MARCHF1: variants seen among roughly 807,000 people sequenced by gnomAD.
MARCHF1 encodes membrane associated ring-CH-type finger 1, also known as E3 ubiquitin-protein ligase MARCHF1.
In MARCHF1, 40 loss-of-function variants were observed where a neutral mutation model predicts 54.2. That is an observed-to-expected ratio of 0.74 (90% confidence interval 0.57 to 0.96). MARCHF1 has a LOEUF of 0.96. Ranked by LOEUF, MARCHF1 falls within the 40% of genes least tolerant of loss-of-function variation. The pLI, the probability that MARCHF1 is intolerant of heterozygous loss-of-function variation, is 0.00. For missense variants in MARCHF1, 586 were observed against 656.5 expected, an observed-to-expected ratio of 0.89 and a Z score of 1.17; for synonymous variants, 236 against 236.3, an observed-to-expected ratio of 1.00 and a Z score of 0.01.
chr4:163,843,006 T>C (rs996735581), intron 4 of MARCHF1, among the ~76,000 whole-genome samples: 1 of 152,092 alleles, frequency 6.6e-6, no homozygotes, highest in East Asian at 1.9e-4. Context: ...TCAACCTATG[T>C]CCCCCTGCCC....
At chr4:163,939,184 G>C (rs1012532700) in intron 3 of MARCHF1, among the ~76,000 whole-genome samples, 4 of 152,278 alleles carry the variant, frequency 2.6e-5, no homozygotes, top group Admixed American at 2.6e-4. Context: ...TTGAGGCACA[G>C]CTCCAGGCAC....
chr4:163,588,817 A>G (rs1740491107), intron 7 of MARCHF1, among the ~76,000 whole-genome samples: 1 of 152,178 alleles, frequency 6.6e-6, no homozygotes, highest in African/African-American at 2.4e-5. Context: ...TCAATTCAAT[A>G]TTTACAATCT....
chr4:163,634,166 G>C (rs1742220649), intron 5 of MARCHF1, among the ~76,000 whole-genome samples: 1 of 152,084 alleles, frequency 6.6e-6, no homozygotes, highest in African/African-American at 2.4e-5. Flanking sequence ...AGACCATAGA[G>C]ACTAGGAAGA....
intron 5 of MARCHF1, among the ~76,000 whole-genome samples, chr4:163,640,008 T>A (rs565709325): frequency 7.9e-5 from 12 of 152,252 alleles, no homozygotes; most frequent in African/African-American, 2.9e-4. Context: ...AAAACCTTAA[T>A]GAAAGAGTTT....
At chr4:164,197,552 G>A (rs1202700748) in intron 1 of MARCHF1, 1 of 1,613,234 alleles carries the variant, frequency 6.2e-7, no homozygotes, top group African/African-American at 1.3e-5. Flanking sequence ...ATTGAGGTGA[G>A]GCCTCCGTTG....
chr4:163,907,657 G>A (rs2111325694), intron 3 of MARCHF1, among the ~76,000 whole-genome samples: 2 of 152,178 alleles, frequency 1.3e-5, no homozygotes, highest in East Asian at 3.9e-4. Flanking sequence ...AAGTTTAGAT[G>A]AGCCAACTAG....
chr4:163,764,831 C>T (rs914484287), intron 4 of MARCHF1, among the ~76,000 whole-genome samples: 1 of 152,048 alleles, frequency 6.6e-6, no homozygotes, highest in Non-Finnish European at 1.5e-5. Flanking sequence ...CATGCTGGAG[C>T]TAGCTTCTAC....
chr4:164,270,132 C>A (rs1183870059), intron 1 of MARCHF1, among the ~76,000 whole-genome samples: 1 of 152,186 alleles, frequency 6.6e-6, no homozygotes, highest in Non-Finnish European at 1.5e-5. Context: ...ATCTTCTCAT[C>A]TTCCCTTGGC....
In MARCHF1 at chr4:163,728,569, G is replaced by A. The variant is rs1022975433; in HGVS notation, c.112-27706C>T. 4.6e-5 allele frequency among the ~76,000 whole-genome samples: 7 copies of A among 152,136 alleles called. No homozygotes were observed. In the South Asian group the frequency reaches 1.0e-3, roughly 23 times the overall value. On this transcript the variant is annotated intron_variant, in intron 4 of 9. Coordinates refer to ENST00000514618, the MANE Select transcript of MARCHF1 (RefSeq NM_001394959.1). Reference sequence around the variant, plus strand: ...ATTATTTTGAGTGCTAATATAAAAGGTGTTGTGGTTTCAATTTCAAATTTA... The same window carrying A: ...ATTATTTTGAGTGCTAATATAAAAGATGTTGTGGTTTCAATTTCAAATTTA...
At chr4:164,023,225 G>A (rs923061245) in intron 2 of MARCHF1, among the ~76,000 whole-genome samples, 12 of 152,174 alleles carry the variant, frequency 7.9e-5, no homozygotes, top group African/African-American at 2.9e-4. Context: ...GCTCTGGAGA[G>A]CCAAGCAATC....
At chr4:163,970,107 C>T (rs1336613198) in intron 3 of MARCHF1, among the ~76,000 whole-genome samples, 1 of 152,194 alleles carries the variant, frequency 6.6e-6, no homozygotes, top group Non-Finnish European at 1.5e-5. Flanking sequence ...ACTTAGACTA[C>T]TCTCACACAT....
At chr4:163,670,680 C>A (rs1743707005) in intron 5 of MARCHF1, among the ~76,000 whole-genome samples, 1 of 151,962 alleles carries the variant, frequency 6.6e-6, no homozygotes, top group African/African-American at 2.4e-5. Context: ...TCTTGCCACC[C>A]ACTGAGGATA....
chr4:164,088,891 T>C (rs1054523108), intron 2 of MARCHF1, among the ~76,000 whole-genome samples: 2 of 152,228 alleles, frequency 1.3e-5, no homozygotes, highest in African/African-American at 4.8e-5. Flanking sequence ...CTTTAAATTA[T>C]ATGTAAGAAG....
intron 4 of MARCHF1, among the ~76,000 whole-genome samples, chr4:163,840,072 C>A (rs1749296155): frequency 6.6e-6 from 1 of 152,048 alleles, no homozygotes; most frequent in South Asian, 2.1e-4. Context: ...CAATAGGACC[C>A]ACTTTATGCT....
At chr4:164,349,882 A>G (rs968813423) in intron 1 of MARCHF1, among the ~76,000 whole-genome samples, 3 of 152,240 alleles carry the variant, frequency 2.0e-5, no homozygotes, top group Admixed American at 1.3e-4. Flanking sequence ...TACAGAAGAC[A>G]ATGTAACATA....
chr4:164,123,161 C>T (rs1420278278), intron 1 of MARCHF1, among the ~76,000 whole-genome samples: 1 of 151,912 alleles, frequency 6.6e-6, no homozygotes, highest in East Asian at 1.9e-4. Flanking sequence ...TTTCTATATG[C>T]CAACAGTGAA....
chr4:163,741,776 C>G (rs993378380), intron 4 of MARCHF1, among the ~76,000 whole-genome samples: 1 of 152,058 alleles, frequency 6.6e-6, no homozygotes, highest in African/African-American at 2.4e-5. Context: ...TTTATGTTAT[C>G]TCTGTTCTCT....
chr4:164,253,580 A>G (rs895463036), intron 1 of MARCHF1, among the ~76,000 whole-genome samples: 3 of 152,094 alleles, frequency 2.0e-5, no homozygotes, highest in South Asian at 4.1e-4. Context: ...TGTTTGGGGG[A>G]AAAATATTGA....
intron 1 of MARCHF1, among the ~76,000 whole-genome samples, chr4:164,217,105 A>C (rs2111136653): frequency 6.6e-6 from 1 of 152,314 alleles, no homozygotes; most frequent in Admixed American, 6.5e-5. Flanking sequence ...ATAATTTGTC[A>C]ATGTTTCAGC....
Sources: gnomAD v4.1 joint callset for allele counts (sites outside exome capture counted in the v4.1 genomes callset) on GRCh38, gnomAD v4.1.1 for gene constraint, MANE v1.5 for transcripts, NCBI Gene and HGNC (gene_info 2026-07-23, HGNC 2026-07-21) for gene names.